DGKI: variants seen among roughly 807,000 people sequenced by gnomAD.
DGKI encodes DAG kinase iota.
In DGKI, 55 loss-of-function variants were observed where a neutral mutation model predicts 147.5. The observed-to-expected ratio is 0.37, with a 90% CI of 0.30 to 0.47. The LOEUF (loss-of-function observed/expected upper bound fraction) is 0.47, where lower values mean the gene tolerates loss of function less well. Among genes scored for constraint, DGKI ranks in the 20% least tolerant of loss-of-function variants. The pLI is 1.00. For missense variants in DGKI, 1,007 were observed against 1,323.8 expected (o/e 0.76, Z 3.71); for synonymous variants, 469 against 477.1 (o/e 0.98, Z 0.22).
At chr7:137,589,416 G>C (rs1184485830) in intron 12 of DGKI, among the ~76,000 whole-genome samples, 1 of 152,200 alleles carries the variant, frequency 6.6e-6, no homozygotes, top group Non-Finnish European at 1.5e-5. Context: ...CAAAAAGTCT[G>C]TCCACTTCCC....
chr7:137,597,203 A>T (rs565130047), intron 12 of DGKI, among the ~76,000 whole-genome samples: 2 of 152,184 alleles, frequency 1.3e-5, no homozygotes, highest in Non-Finnish European at 2.9e-5. Flanking sequence ...AGTTAGCAAC[A>T]ATGTATTATA....
At chr7:137,563,324 C>T (rs1488158942) in intron 19 of DGKI, among the ~76,000 whole-genome samples, 2 of 151,802 alleles carry the variant, frequency 1.3e-5, no homozygotes, top group African/African-American at 4.8e-5. Context: ...ATATGGAATG[C>T]TTCCCCATGT....
At chr7:137,770,490 A>T (rs1246597636) in intron 1 of DGKI, among the ~76,000 whole-genome samples, 1 of 152,196 alleles carries the variant, frequency 6.6e-6, no homozygotes, top group Admixed American at 6.5e-5. Context: ...AAACAGAAAA[A>T]AAAAGAATTA....
At chr7:137,567,299 T>C (rs1660723714) in intron 19 of DGKI, among the ~76,000 whole-genome samples, 1 of 151,894 alleles carries the variant, frequency 6.6e-6, no homozygotes, top group Admixed American at 6.6e-5. Flanking sequence ...ATATCACTAT[T>C]TTGCAACCCT....
chr7:137,719,440 A>G (rs1355588853), intron 1 of DGKI, among the ~76,000 whole-genome samples: 1 of 152,028 alleles, frequency 6.6e-6, no homozygotes, highest in East Asian at 1.9e-4. Context: ...ATCATTTTCT[A>G]GGCAGAATCA....
intron 1 of DGKI, among the ~76,000 whole-genome samples, chr7:137,790,774 G>A (rs576227206): frequency 6.6e-6 from 1 of 152,248 alleles, no homozygotes; most frequent in East Asian, 1.9e-4. Flanking sequence ...TTATCACCTG[G>A]AAAATGGGTA....
chr7:137,804,946 C>T (rs1353362304), intron 1 of DGKI, among the ~76,000 whole-genome samples: 1 of 152,184 alleles, frequency 6.6e-6, no homozygotes, highest in African/African-American at 2.4e-5. Context: ...GTGTTTTCAG[C>T]TGTATTTCCA....
chr7:137,680,134 A>G (rs1823184369), intron 2 of DGKI, among the ~76,000 whole-genome samples: 1 of 152,096 alleles, frequency 6.6e-6, no homozygotes, highest in African/African-American at 2.4e-5. Context: ...GAAGAGACAC[A>G]TGGGAGATTC....
chr7:137,556,895 T>G (rs1646385), intron 19 of DGKI, among the ~76,000 whole-genome samples: 16,642 of 152,178 alleles, frequency 0.11, 2,056 homozygotes, highest in African/African-American at 0.3. Flanking sequence ...TATGAAAGTA[T>G]TTTTTTAATG....
chr7:137,546,098 G>A, intron 20 of DGKI: 2 of 544,162 alleles, frequency 3.7e-6, no homozygotes, highest in South Asian at 2.7e-5. Context: ...GAACAGCGAA[G>A]GAAAGGAAAA....
chr7:137,448,903 T>A, intron 27 of DGKI, among the ~76,000 whole-genome samples: 1 of 152,152 alleles, frequency 6.6e-6, no homozygotes, highest in Middle Eastern at 3.2e-3. Flanking sequence ...TCCACTGTGG[T>A]ACCACCGCAC....
intron 3 of DGKI, among the ~76,000 whole-genome samples, chr7:137,664,377 CAAAA>C (rs1190186766): frequency 0.022 from 1,222 of 55,942 alleles, 8 homozygotes; most frequent in African/African-American, 0.045. Flanking sequence ...GACTCCATCT[CAAAA>C]AAAAAAAAAA....
At chr7:137,663,984 C>A (rs571036876) in intron 3 of DGKI, among the ~76,000 whole-genome samples, 2 of 152,120 alleles carry the variant, frequency 1.3e-5, no homozygotes, top group Non-Finnish European at 2.9e-5. Flanking sequence ...AAACCCCCAC[C>A]GGGACATAGA....
At chr7:137,595,613 A>G (rs187035626) in intron 12 of DGKI, among the ~76,000 whole-genome samples, 1 of 152,012 alleles carries the variant, frequency 6.6e-6, no homozygotes, top group Non-Finnish European at 1.5e-5. Flanking sequence ...TCTTTTATTC[A>G]TTGGAATCCC....
chr7:137,500,724 CTTAAG>C lies in DGKI; in HGVS notation c.2249-13040_2249-13036del, dbSNP rs564238097. Among the ~76,000 whole-genome samples the C allele has an allele frequency of 1.1e-3, 174 of 152,092 alleles. 1 individual carries two copies. Among genetic ancestry groups the C allele is most frequent in the African/African-American group, 4.0e-3 (168 of 41,504 alleles). On this transcript the variant is annotated intron_variant, in intron 21 of 32. Transcript: ENST00000614521. ...CAATGAAAGGTGCCTAGAGTTGTTT[CTTAAG>C]TTAATTTTTTATTGATACATAATAA... is the stretch of plus-strand genomic sequence containing the variant.
At chr7:137,623,627 G>T in intron 6 of DGKI, 73 bp from the exon 7 acceptor site, 2 of 1,338,510 alleles carry the variant, frequency 1.5e-6, no homozygotes, top group Non-Finnish European at 2.1e-6. Context: ...CTCCTGAAGT[G>T]CAATGACGTG....
intron 28 of DGKI, among the ~76,000 whole-genome samples, chr7:137,417,986 T>C (rs540226449): frequency 2.0e-4 from 31 of 152,196 alleles, no homozygotes; most frequent in Admixed American, 2.0e-4. Flanking sequence ...AGATATTTTG[T>C]CCTAGCAGCA....
intron 23 of DGKI, among the ~76,000 whole-genome samples, chr7:137,478,033 G>A (rs1353227043): frequency 6.6e-6 from 1 of 152,154 alleles, no homozygotes; most frequent in African/African-American, 2.4e-5. Flanking sequence ...TTGTATAAAT[G>A]TAGGAAAACA....
intron 20 of DGKI, among the ~76,000 whole-genome samples, chr7:137,539,504 C>T (rs1817620262): frequency 6.6e-6 from 1 of 152,066 alleles, no homozygotes. Context: ...CAGGGTAGAA[C>T]TCCACCCAGA....
Sources: gnomAD v4.1 joint callset for allele counts (sites outside exome capture counted in the v4.1 genomes callset) on GRCh38, gnomAD v4.1.1 for gene constraint, MANE v1.5 for transcripts, NCBI Gene and HGNC (gene_info 2026-07-23, HGNC 2026-07-21) for gene names.